Variants in PCSK5 observed in about 807,000 individuals in gnomAD.
PCSK5 encodes prohormone convertase 5.
In PCSK5, 129 loss-of-function variants were observed where a neutral mutation model predicts 233.2. That is an observed-to-expected ratio of 0.55 (90% CI 0.48 to 0.64). PCSK5 has a LOEUF of 0.64. PCSK5 is among the 30% of genes least tolerant of loss of function. The pLI is 0.00. For missense variants in PCSK5, 2,076 were observed against 2,430.1 expected (o/e 0.85, Z 3.06); for synonymous variants, 825 against 879.2 (o/e 0.94, Z 1.09).
intron 9 of PCSK5, among the ~76,000 whole-genome samples, chr9:76,117,988 G>C (rs556447946): frequency 3.3e-4 from 50 of 152,186 alleles, no homozygotes; most frequent in Admixed American, 1.4e-3. Context: ...ATACAGGAGT[G>C]ATCGTATTAG....
At chr9:76,292,426 G>A (rs1828307438) in intron 25 of PCSK5, among the ~76,000 whole-genome samples, 151 bp downstream of exon 25, 1 of 152,138 alleles carries the variant, frequency 6.6e-6, no homozygotes. Context: ...CTTGGATTTA[G>A]CAATAAGAGC....
intron 2 of PCSK5, among the ~76,000 whole-genome samples, chr9:75,953,521 A>C (rs915564095): frequency 1.3e-5 from 2 of 152,162 alleles, no homozygotes; most frequent in African/African-American, 4.8e-5. Context: ...ATCTGGTACC[A>C]AATGTGAGAA....
chr9:76,175,314 A>ATCGAATCGAAT (rs1554699853), intron 14 of PCSK5, 185 bp downstream of exon 14: 10 of 597,158 alleles, frequency 1.7e-5, no homozygotes, highest in Non-Finnish European at 2.4e-5. Context: ...ATAGAATAGA[A>ATCGAATCGAAT]CAGAACAGAA....
intron 5 of PCSK5, among the ~76,000 whole-genome samples, chr9:76,049,714 G>C (rs915365753): frequency 6.6e-6 from 1 of 152,202 alleles, no homozygotes; most frequent in South Asian, 2.1e-4. Context: ...CAGTCAAACA[G>C]ATAATTGTCA....
chr9:76,231,610 T>C (rs1308328565), intron 21 of PCSK5, among the ~76,000 whole-genome samples: 2 of 152,210 alleles, frequency 1.3e-5, no homozygotes, highest in Non-Finnish European at 2.9e-5. Context: ...GATTTTGGGT[T>C]TTTTTGTTTG....
At chr9:76,065,154 T>C (rs1426870533) in intron 5 of PCSK5, among the ~76,000 whole-genome samples, 1 of 152,212 alleles carries the variant, frequency 6.6e-6, no homozygotes, top group Non-Finnish European at 1.5e-5. Flanking sequence ...ATTTTGGATA[T>C]ATACCCAGCC....
intron 3 of PCSK5, among the ~76,000 whole-genome samples, chr9:76,004,321 T>C (rs1008829203): frequency 6.6e-6 from 1 of 152,164 alleles, no homozygotes; most frequent in African/African-American, 2.4e-5. Context: ...AGGGTAAGAC[T>C]GCATCCTTTT....
Position 75,973,730 on chromosome 9 carries a change from C to T in PCSK5, c.298-12402C>T, listed in dbSNP as rs545412439. On this transcript the variant is annotated intron_variant, in intron 2 of 37. Transcript: ENST00000674117. The stretch of plus-strand genomic sequence containing the variant: ...AATCTTTAAAGAGTAAAGCAGGTGC[C>T]AGAAATTTGACAGCCCTTCCTCAAG... 2.6e-5 allele frequency among the ~76,000 whole-genome samples: 4 copies of T among 152,240 alleles called. No individual in the cohort carries two copies. In the East Asian group the frequency reaches 7.7e-4, roughly 29 times the overall value.
At chr9:75,997,788 CT>C in intron 3 of PCSK5, among the ~76,000 whole-genome samples, 1 of 152,164 alleles carries the variant, frequency 6.6e-6, no homozygotes, top group Admixed American at 6.5e-5. Context: ...TAATTTCTTT[CT>C]TTATGCTAAA....
intron 9 of PCSK5, among the ~76,000 whole-genome samples, chr9:76,121,110 T>C (rs1832613576): frequency 6.6e-6 from 1 of 152,170 alleles, no homozygotes; most frequent in Non-Finnish European, 1.5e-5. Context: ...ATTTCTTTTT[T>C]CTTTTTTACC....
At chr9:76,070,420 T>A (rs556520381) in intron 6 of PCSK5, among the ~76,000 whole-genome samples, 1 of 152,254 alleles carries the variant, frequency 6.6e-6, no homozygotes, top group South Asian at 2.1e-4. Flanking sequence ...AACAACCAAA[T>A]GCAATGTCTT....
At chr9:76,027,209 T>C (rs1247262291) in intron 5 of PCSK5, among the ~76,000 whole-genome samples, 172 bp downstream of exon 5, 1 of 152,052 alleles carries the variant, frequency 6.6e-6, no homozygotes, top group Non-Finnish European at 1.5e-5. Context: ...AAAGGGGTGG[T>C]CCATATAGAA....
At chr9:75,953,552 G>A (rs1203557211) in intron 2 of PCSK5, among the ~76,000 whole-genome samples, 1 of 152,060 alleles carries the variant, frequency 6.6e-6, no homozygotes, top group South Asian at 2.1e-4. Context: ...CGTGCCTACT[G>A]GAAGGAAACA....
intron 20 of PCSK5, among the ~76,000 whole-genome samples, chr9:76,192,947 GTTA>G (rs1287411969): frequency 6.7e-6 from 1 of 149,318 alleles, no homozygotes; most frequent in Non-Finnish European, 1.5e-5. Context: ...TCTTGCTTGT[GTTA>G]TTAATTGATT....
In PCSK5 at chr9:75,891,108, G is replaced by C. The variant is rs1432080520; in HGVS notation, c.-74G>C. Reference sequence around the variant, plus strand: ...GGCTGCTCGCCGGGCGGCGCAGGCCGGAGAAGTTAGTTGTGCGCGCCCTTA... The same window carrying C: ...GGCTGCTCGCCGGGCGGCGCAGGCCCGAGAAGTTAGTTGTGCGCGCCCTTA... On this transcript the variant is annotated 5_prime_UTR_variant, in exon 1 of 38. Transcript: ENST00000674117. The C allele has an allele frequency of 8.4e-7, 1 of 1,194,344 alleles. No homozygotes were observed. The highest frequency in any genetic ancestry group is 1.1e-6 in the Non-Finnish European group (1 of 913,652). The allele number at this position is 1,194,344 out of a possible 1,614,324, so 74.0% of individuals were successfully genotyped here. A position where few individuals can be genotyped will look rare whatever the true frequency, so the allele number is the denominator to read the frequency against.
At chr9:76,332,398 C>T (rs752448592) in intron 33 of PCSK5, 35 bp from the exon 34 acceptor site, 15 of 1,560,968 alleles carry the variant, frequency 9.6e-6, no homozygotes, top group African/African-American at 2.7e-5. Flanking sequence ...GTGTCATGCT[C>T]GATGTCCAAA....
chr9:76,294,012 C>T (rs148524961), intron 25 of PCSK5, among the ~76,000 whole-genome samples: 34 of 152,218 alleles, frequency 2.2e-4, no homozygotes, highest in African/African-American at 7.7e-4. Flanking sequence ...GCCTAGCCAA[C>T]CTGGGGAAAC....
chr9:76,361,812 T>C lies in PCSK5; in HGVS notation c.*2890T>C, dbSNP rs1830436137. The C allele has an allele frequency of 6.6e-6, 1 of 152,246 alleles. No homozygotes were observed. Among genetic ancestry groups the C allele is most frequent in the African/African-American group, 2.4e-5 (1 of 41,464 alleles). 9.4% of individuals were successfully genotyped at this position (152,246 alleles called of 1,614,324 possible). A position where few individuals can be genotyped will look rare whatever the true frequency, so the allele number is the denominator to read the frequency against. ...ATATGCATGATAGCCATCATATCAA[T>C]GGAAGACTTTCTCACCTCTGTGGTT... On this transcript the variant is annotated 3_prime_UTR_variant, in exon 38 of 38. Transcript: ENST00000674117.
At chr9:76,030,048 T>C (rs1372206031) in intron 5 of PCSK5, among the ~76,000 whole-genome samples, 1 of 152,102 alleles carries the variant, frequency 6.6e-6, no homozygotes, top group Admixed American at 6.6e-5. Flanking sequence ...ATGCTCTAAA[T>C]TTTATTCACA....
Sources: gnomAD v4.1 joint callset for allele counts (sites outside exome capture counted in the v4.1 genomes callset) on GRCh38, gnomAD v4.1.1 for gene constraint, MANE v1.5 for transcripts, NCBI Gene and HGNC (gene_info 2026-07-23, HGNC 2026-07-21) for gene names.